The following CCDC7 variants were observed in gnomAD, a reference collection of about 807,000 sequenced individuals.
CCDC7 encodes coiled-coil domain containing 7.
A neutral mutation model predicts 196.9 loss-of-function variants in CCDC7; 183 were observed. The ratio of observed to expected loss-of-function variants is 0.93; its 90% CI spans 0.82 to 1.05. The LOEUF is 1.05. Ranked by LOEUF, CCDC7 falls within the 50% of genes least tolerant of loss-of-function variation. The probability of loss-of-function intolerance (pLI) is 0.00; values close to 1 mark genes in which losing one functional copy is unlikely to be tolerated. For missense variants in CCDC7, 1,540 were observed against 1,482.2 expected (o/e 1.04, Z -0.64); for synonymous variants, 525 against 484.6 (o/e 1.08, Z -1.10).
chr10:32,746,267 T>A (rs908823504), intron 28 of CCDC7, among the ~76,000 whole-genome samples: 3 of 152,068 alleles, frequency 2.0e-5, no homozygotes, highest in East Asian at 1.9e-4. Context: ...TCCCCAGAAA[T>A]TTTTGGGGAA....
intron 18 of CCDC7, among the ~76,000 whole-genome samples, chr10:32,598,306 G>T (rs1027561935): frequency 6.6e-6 from 1 of 152,218 alleles, no homozygotes; most frequent in African/African-American, 2.4e-5. Context: ...CTCCGAGTCA[G>T]GCACGGGATA....
intron 32 of CCDC7, among the ~76,000 whole-genome samples, chr10:32,830,350 A>T (rs2092033445): frequency 1.3e-5 from 2 of 151,052 alleles, no homozygotes. Flanking sequence ...CTATCTAAAA[A>T]GCCCAATTTT....
At chr10:32,759,311 G>T (rs1372092709) in intron 28 of CCDC7, among the ~76,000 whole-genome samples, 1 of 152,122 alleles carries the variant, frequency 6.6e-6, no homozygotes, top group Non-Finnish European at 1.5e-5. Context: ...AAAGAACAAA[G>T]CTGGAGGCAT....
intron 28 of CCDC7, among the ~76,000 whole-genome samples, chr10:32,767,040 T>C (rs2078424041): frequency 6.6e-6 from 1 of 152,088 alleles, no homozygotes; most frequent in African/African-American, 2.4e-5. Context: ...TCTGCCAGGC[T>C]CTTTTCAACA....
At chr10:32,476,315 GTCTT>G (rs1485338238) in intron 8 of CCDC7, among the ~76,000 whole-genome samples, 2 of 152,078 alleles carry the variant, frequency 1.3e-5, no homozygotes, top group South Asian at 2.1e-4. Context: ...GATATTATTA[GTCTT>G]TCTTTTACCT....
At chr10:32,553,943 G>T (rs974695023) in intron 13 of CCDC7, among the ~76,000 whole-genome samples, 4 of 152,166 alleles carry the variant, frequency 2.6e-5, no homozygotes, top group African/African-American at 9.6e-5. Flanking sequence ...ACCATAAGGT[G>T]GGGGCAGGGC....
At chr10:32,484,520 C>T (rs1458807247) in intron 8 of CCDC7, among the ~76,000 whole-genome samples, 5 of 152,188 alleles carry the variant, frequency 3.3e-5, no homozygotes, top group African/African-American at 1.2e-4. Flanking sequence ...GTGGCCAGAA[C>T]TTCCAATACT....
chr10:32,686,481 G>A (rs1207491685), intron 22 of CCDC7, among the ~76,000 whole-genome samples: 6 of 152,222 alleles, frequency 3.9e-5, no homozygotes, highest in Non-Finnish European at 1.5e-5. Context: ...CTCAAATAAA[G>A]ATCAGAGGAG....
At chr10:32,753,217 G>A (rs1056703718) in intron 28 of CCDC7, among the ~76,000 whole-genome samples, 1 of 152,016 alleles carries the variant, frequency 6.6e-6, no homozygotes, top group Non-Finnish European at 1.5e-5. Flanking sequence ...ACATAAAATT[G>A]CCCAAGTGGA....
At chr10:32,656,117 A>G (rs2069803948) in intron 20 of CCDC7, among the ~76,000 whole-genome samples, 2 of 152,148 alleles carry the variant, frequency 1.3e-5, no homozygotes, top group African/African-American at 4.8e-5. Context: ...GCTAAGACCA[A>G]TGTCAGGGAG....
chr10:32,636,304 G>A (rs1451349139), intron 20 of CCDC7, among the ~76,000 whole-genome samples: 1 of 152,066 alleles, frequency 6.6e-6, no homozygotes, highest in Non-Finnish European at 1.5e-5. Context: ...ATGTATACAT[G>A]TGCCATGTTT....
At chr10:32,625,206 C>T (rs1285593506) in intron 18 of CCDC7, among the ~76,000 whole-genome samples, 3 of 151,018 alleles carry the variant, frequency 2.0e-5, no homozygotes, top group Non-Finnish European at 4.4e-5. Context: ...AATAAGTGTC[C>T]AATTTTATTT....
chr10:32,825,058 CA>C (rs2090911027), intron 32 of CCDC7, among the ~76,000 whole-genome samples: 1 of 152,096 alleles, frequency 6.6e-6, no homozygotes, highest in African/African-American at 2.4e-5. Flanking sequence ...TTATAAAGTT[CA>C]AAAATTATAC....
intron 18 of CCDC7, among the ~76,000 whole-genome samples, chr10:32,598,156 G>C (rs369474041): frequency 1.3e-5 from 2 of 152,188 alleles, no homozygotes; most frequent in East Asian, 1.9e-4. Context: ...GCTCCACCCA[G>C]TTGGAGCTTC....
At chr10:32,703,621 G>A (rs2079151741) in intron 24 of CCDC7, among the ~76,000 whole-genome samples, 1 of 152,008 alleles carries the variant, frequency 6.6e-6, no homozygotes, top group African/African-American at 2.4e-5. Context: ...TTCCAACTTG[G>A]TTCCATTCAC....
intron 26 of CCDC7, among the ~76,000 whole-genome samples, chr10:32,727,086 G>A (rs2083239487): frequency 6.6e-6 from 1 of 152,108 alleles, no homozygotes; most frequent in Non-Finnish European, 1.5e-5. Flanking sequence ...TTCGCCTACA[G>A]TATCTTGAAG....
At chr10:32,741,297 G>A (rs1003551724) in intron 28 of CCDC7, among the ~76,000 whole-genome samples, 1 of 152,116 alleles carries the variant, frequency 6.6e-6, no homozygotes, top group African/African-American at 2.4e-5. Context: ...AGAACTTGGA[G>A]CCACCAAAAC....
chr10:32,843,763 TG>T (rs1482981484), intron 33 of CCDC7, among the ~76,000 whole-genome samples: 1 of 152,026 alleles, frequency 6.6e-6, no homozygotes, highest in Non-Finnish European at 1.5e-5. Flanking sequence ...GTGTGCTAGT[TG>T]GAGTAATAAT....
intron 28 of CCDC7, among the ~76,000 whole-genome samples, chr10:32,758,813 G>A (rs1375026523): frequency 6.6e-6 from 1 of 152,128 alleles, no homozygotes; most frequent in African/African-American, 2.4e-5. Context: ...AATTATCCCT[G>A]TTTGCAGATG....
Sources: gnomAD v4.1 joint callset for allele counts (sites outside exome capture counted in the v4.1 genomes callset) on GRCh38, gnomAD v4.1.1 for gene constraint, MANE v1.5 for transcripts, NCBI Gene and HGNC (gene_info 2026-07-23, HGNC 2026-07-21) for gene names.